Variants in ANO8 observed in about 807,000 individuals in gnomAD.
ANO8 encodes the protein anoctamin-8.
ANO8 carries 67 observed loss-of-function variants against 120.4 expected under a neutral mutation model. That is an observed-to-expected ratio of 0.56 (90% CI 0.46 to 0.68). The LOEUF (loss-of-function observed/expected upper bound fraction) is 0.68, where lower values mean the gene tolerates loss of function less well. Among genes scored for constraint, ANO8 ranks in the 30% least tolerant of loss-of-function variants. The pLI is 0.00. For synonymous variants in ANO8, 727 were observed against 759.2 expected, an observed-to-expected ratio of 0.96 and a Z score of 0.70; for missense variants, 1,526 against 1,737.6, an observed-to-expected ratio of 0.88 and a Z score of 2.16.
chr19:17,331,267 C>T, intron 6 of ANO8, 28 bp downstream of exon 6: 1 of 1,614,154 alleles, frequency 6.2e-7, no homozygotes, highest in Non-Finnish European at 8.5e-7. Flanking sequence ...TGCTGGGACT[C>T]CCTCCCACCC....
In ANO8 at chr19:17,328,922, G is replaced by A. The variant is rs1332422658; in HGVS notation, c.1466C>T (p.Pro489Leu). The A allele has an allele frequency of 4.0e-6, 6 of 1,510,798 alleles. No homozygotes were observed. The highest frequency in any genetic ancestry group is 5.3e-6 in the Non-Finnish European group (6 of 1,132,442). 93.6% of individuals were successfully genotyped at this position (1,510,798 alleles called of 1,614,324 possible). A position where few individuals can be genotyped will look rare whatever the true frequency, so the allele number is the denominator to read the frequency against. The stretch of plus-strand genomic sequence containing the variant: ...GCGGCCCAGGCGCCGGTACAGGTGC[G>A]GCTGCAGGACCTCGCGCACGTTCTG... ...FLQNVREVLQ[P>L]HLYRRLGRGE... Residue 489 changes from proline to leucine, a missense_variant, in exon 13 of 18, where the codon CCG becomes CTG. Physicochemically the swap from Pro to Leu is moderately conservative, Grantham distance 98. Coordinates refer to ENST00000159087, the MANE Select transcript of ANO8 (RefSeq NM_020959.3).
intron 16 of ANO8, among the ~76,000 whole-genome samples, chr19:17,325,821 G>A (rs1599543739): frequency 6.6e-6 from 1 of 152,200 alleles, no homozygotes; most frequent in African/African-American, 2.4e-5. Context: ...CCAGCTACTC[G>A]GAAGGCTGAG....
At position 17,324,830 on chromosome 19, in the gene ANO8, G is replaced by A. The variant is rs779848652; in HGVS notation, c.3218C>T (p.Ala1073Val). Residue 1073 changes from alanine to valine, a missense_variant, in exon 17 of 18, where the codon GCC becomes GTC. By Grantham distance (64) the Ala-to-Val change is moderately conservative. Around this residue, in one of 8 missense-constraint regions of ANO8, gnomAD observed 489 missense variants for 548.6 expected, o/e 0.89. Coordinates refer to ENST00000159087, the MANE Select transcript of ANO8 (RefSeq NM_020959.3). ...ACTGCTGGGGGTCCCATCTGGCCGGGCCTGCCCGCCCGCCCCGTTGGACCC... is the reference window on the plus strand; with the variant it reads ...ACTGCTGGGGGTCCCATCTGGCCGGACCTGCCCGCCCGCCCCGTTGGACCC... ...EPGSNGAGGQARPDGTPSSGS... is the reference protein window; with the variant it reads ...EPGSNGAGGQVRPDGTPSSGS... 6.2e-7 allele frequency: 1 copy of A among 1,610,872 alleles called. No individual in the cohort carries two copies. Among genetic ancestry groups the A allele is most frequent in the Admixed American group, 1.7e-5 (1 of 59,812 alleles).
At position 17,328,374 on chromosome 19, in the gene ANO8, G is replaced by T. The variant is rs757418390; in HGVS notation, c.2014C>A (p.Arg672=). 144 of 1,573,792 alleles carry T rather than the reference G, an allele frequency of 9.1e-5. 1 individual carries two copies. In the South Asian group the frequency reaches 1.6e-3, roughly 17 times the overall value. The change falls in exon 13 of 18, where the codon CGG becomes AGG. Residue 672 remains arginine (R), a synonymous_variant. Transcript: ENST00000159087. Reference sequence around the variant, plus strand: ...CGGAACAAGATGGCCGGGGGCTCCCGTTCAGGGCTGCCGGGAGCCCCCTCC... The same window carrying T: ...CGGAACAAGATGGCCGGGGGCTCCCTTTCAGGGCTGCCGGGAGCCCCCTCC... ...EAEGAPGSPE[R]EPPAILFRRA... is the part of the protein sequence containing the mutation.
In ANO8 at chr19:17,323,296, A is replaced by C. The variant is rs566720478; in HGVS notation, c.*221T>G. The C allele has an allele frequency of 1.5e-5, 5 of 326,336 alleles. No homozygotes were observed. In the East Asian group the frequency reaches 2.2e-4, roughly 14 times the overall value. 20.2% of individuals were successfully genotyped at this position (326,336 alleles called of 1,614,324 possible). A position where few individuals can be genotyped will look rare whatever the true frequency, so the allele number is the denominator to read the frequency against. On this transcript the variant is annotated 3_prime_UTR_variant, in exon 18 of 18. Transcript: ENST00000159087. ...ATGACAAAATAAATTAAAAACAAAT[A>C]AATAATCGCCTGTTCTGTGTGTGTG...
At chr19:17,324,500 T>G (rs560542610) in intron 17 of ANO8, among the ~76,000 whole-genome samples, 1 of 152,064 alleles carries the variant, frequency 6.6e-6, no homozygotes, top group South Asian at 2.1e-4. Flanking sequence ...CATCCCTCCC[T>G]GGGGAGGGTC....
Position 17,330,469 on chromosome 19 carries a change from C to G in ANO8, c.1029G>C (p.Glu343Asp). 1 of 1,554,110 alleles carries G rather than the reference C, an allele frequency of 6.4e-7. No individual in the cohort carries two copies. The highest frequency in any genetic ancestry group is 1.4e-5 in the African/African-American group (1 of 73,370). Residue 343 changes from glutamate to aspartate, a missense_variant, in exon 9 of 18, where the codon GAG (glutamate) becomes GAC (aspartate). Physicochemically the swap from Glu to Asp is conservative, Grantham distance 45. Transcript: ENST00000159087. Reference sequence around the variant, plus strand: ...GCTTCCAGGGCGGGTAGTAGAACTCCTCGGCCCGCGTGATGGGGCTGATAC... The same window carrying G: ...GCTTCCAGGGCGGGTAGTAGAACTCGTCGGCCCGCGTGATGGGGCTGATAC... ...VRRISPITRA[E>D]EFYYPPWKRL...
chr19:17,324,777 G>A lies in ANO8; in HGVS notation c.3271C>T (p.Pro1091Ser). Residue 1091 changes from proline to serine, a missense_variant, in exon 17 of 18, where the codon CCG becomes TCG. Pro to Ser is a moderately conservative substitution (Grantham distance 74). Coordinates refer to ENST00000159087, the MANE Select transcript of ANO8 (RefSeq NM_020959.3). The part of the protein sequence containing the change: ...SGSSRVQRSG[P>S]VDEALAEELE... ...TCCTCAGCCAGGGCCTCGTCCACCGGCCCACTCCTCTGAACCCGGCTGCTG... is the reference window on the plus strand; with the variant it reads ...TCCTCAGCCAGGGCCTCGTCCACCGACCCACTCCTCTGAACCCGGCTGCTG... The A allele has an allele frequency of 6.4e-7, 1 of 1,567,298 alleles. No homozygotes were observed. The highest frequency in any genetic ancestry group is 8.6e-7 in the Non-Finnish European group (1 of 1,157,222).
Position 17,333,974 on chromosome 19 carries a change from G to A in ANO8, c.107-174C>T, listed in dbSNP as rs756455094. Among the ~76,000 whole-genome samples, 119 of 152,232 alleles carry A rather than the reference G, an allele frequency of 7.8e-4. No individual in the cohort carries two copies. The highest frequency in any genetic ancestry group is 1.3e-3 in the Non-Finnish European group (90 of 68,020). ...CCCTCCACGTCCTTGTACCAGCCAG[G>A]CCTTCCTCCAGAAATGCCCTTCCCC... On this transcript the variant is annotated intron_variant, in intron 1 of 17. Coordinates refer to ENST00000159087, the MANE Select transcript of ANO8 (RefSeq NM_020959.3). The surrounding 1 kb of genome is among the most constrained non-coding windows in gnomAD (Gnocchi z 7.2).
chr19:17,330,893 C>G lies in ANO8; in HGVS notation c.928G>C (p.Ala310Pro). The G allele has an allele frequency of 3.1e-6, 5 of 1,614,168 alleles. No individual in the cohort carries two copies. Among genetic ancestry groups the G allele is most frequent in the Non-Finnish European group, 4.2e-6 (5 of 1,180,022 alleles). ...EEWKRRGAELAYKWGTLDSPG... is the reference protein window; with the variant it reads ...EEWKRRGAELPYKWGTLDSPG... ...GAGTCCAGCGTCCCCCACTTATATG[C>G]CAGCTCAGCCCCTCTCCGCTTCCAT... Residue 310 changes from alanine to proline, a missense_variant, in exon 8 of 18, where the codon GCA (alanine) becomes CCA (proline). By Grantham distance (27) the Ala-to-Pro change is conservative. This residue lies in a region of ANO8 where 322 missense variants were observed against 431.8 expected (regional missense o/e 0.75). Coordinates refer to ENST00000159087, the MANE Select transcript of ANO8 (RefSeq NM_020959.3).
At position 17,328,603 on chromosome 19, in the gene ANO8, T is replaced by TTCCTCCTCG; in HGVS notation, c.1776_1784dup (p.Asp592_Glu594dup). On this transcript the variant is annotated inframe_insertion, in exon 13 of 18. Coordinates refer to ENST00000159087, the MANE Select transcript of ANO8 (RefSeq NM_020959.3). ...CCTCGCCCTCCTCCTCGTCCTCCTCTTCCTCCTCGTCCTCCTCCTCCTCGT... is the reference window on the plus strand; with the variant it reads ...CCTCGCCCTCCTCCTCGTCCTCCTCTTCCTCCTCGTCCTCCTCGTCCTCCTCCTCCTCGT... 6.5e-7 allele frequency: 1 copy of TTCCTCCTCG among 1,541,450 alleles called. No homozygotes were observed. The highest frequency in any genetic ancestry group is 8.7e-7 in the Non-Finnish European group (1 of 1,143,098).
intron 16 of ANO8, among the ~76,000 whole-genome samples, chr19:17,326,329 C>A (rs1282833442): frequency 2.6e-5 from 4 of 152,064 alleles, no homozygotes; most frequent in African/African-American, 9.7e-5. Flanking sequence ...TGGTGAAACC[C>A]CATCTCTATT....
rs1049171312 is a variant in ANO8, at chr19:17,330,523, C to A, written c.994-19G>T. On this transcript the variant is annotated intron_variant, in intron 8 of 17. Coordinates refer to ENST00000159087, the MANE Select transcript of ANO8 (RefSeq NM_020959.3). ...GCACGCCCTGATGGTGGGCAAAGACCGGGCCCAGCATGAGCTCAGAGGGGC... is the reference window on the plus strand; with the variant it reads ...GCACGCCCTGATGGTGGGCAAAGACAGGGCCCAGCATGAGCTCAGAGGGGC... The A allele has an allele frequency of 1.0e-5, 15 of 1,494,316 alleles. No homozygotes were observed. In the East Asian group the frequency reaches 3.2e-4, roughly 32 times the overall value. The allele number at this position is 1,494,316 out of a possible 1,614,324, so 92.6% of individuals were successfully genotyped here.
chr19:17,330,388 A>G lies in ANO8; in HGVS notation c.1110T>C (p.Cys370=), dbSNP rs1448753834. 6 of 1,590,060 alleles carry G rather than the reference A, an allele frequency of 3.8e-6. No homozygotes were observed. The highest frequency in any genetic ancestry group is 5.1e-6 in the Non-Finnish European group (6 of 1,168,298). Residue 370 remains cysteine, a synonymous_variant, in exon 9 of 18, where the codon TGT becomes TGC. Transcript: ENST00000159087. ...AGCAGCCAAGCATGAGCAAGAAGAC[A>G]CAGACGAGGCACGCCAGGCACAGGG... ...SLPLCLACLV[C]VFLLMLGCFQ...
Position 17,330,032 on chromosome 19 carries a change from G to C in ANO8, c.1274-18C>G, listed in dbSNP as rs199748592. The C allele has an allele frequency of 3.1e-6, 5 of 1,613,912 alleles. No individual in the cohort carries two copies. In the East Asian group the frequency reaches 6.7e-5, roughly 22 times the overall value. Reference sequence around the variant, plus strand: ...GTAATTTTCTAGGGGCCAAGGGGGGGAGTGAGGGGGCAGCCGCGGTCCCCC... The same window carrying C: ...GTAATTTTCTAGGGGCCAAGGGGGGCAGTGAGGGGGCAGCCGCGGTCCCCC... On this transcript the variant is annotated intron_variant, in intron 10 of 17. Transcript: ENST00000159087.
chr19:17,333,634 G>A lies in ANO8; in HGVS notation c.217+56C>T. On this transcript the variant is annotated intron_variant, in intron 2 of 17. Transcript: ENST00000159087. The surrounding 1 kb of genome is among the most constrained non-coding windows in gnomAD (Gnocchi z 7.2). ...CTACGTATTCCCGTTCTGGGAAGCC[G>A]AGCTCAGGAGAGCCGCATCTGGGCA... 6.6e-7 allele frequency: 1 copy of A among 1,519,216 alleles called. No homozygotes were observed. The highest frequency in any genetic ancestry group is 8.9e-7 in the Non-Finnish European group (1 of 1,121,618). The allele number at this position is 1,519,216 out of a possible 1,614,324, so 94.1% of individuals were successfully genotyped here. A position where few individuals can be genotyped will look rare whatever the true frequency, so the allele number is the denominator to read the frequency against.
intron 16 of ANO8, among the ~76,000 whole-genome samples, chr19:17,326,245 C>G (rs540342868): frequency 6.6e-6 from 1 of 152,194 alleles, no homozygotes; most frequent in Admixed American, 6.5e-5. Context: ...CGGTGGCTCA[C>G]GCCTATAATC....
chr19:17,327,411 T>G (rs956332627), intron 15 of ANO8, 27 bp downstream of exon 15: 6 of 1,578,506 alleles, frequency 3.8e-6, no homozygotes, highest in Non-Finnish European at 5.2e-6. Context: ...GCCTCCCAGC[T>G]GCCCCCGCCC....
chr19:17,325,076 G>A lies in ANO8; in HGVS notation c.2972C>T (p.Ser991Leu), dbSNP rs945267118. 20 of 1,613,440 alleles carry A rather than the reference G, an allele frequency of 1.2e-5. No homozygotes were observed. The highest frequency in any genetic ancestry group is 2.7e-5 in the African/African-American group (2 of 74,932). The change falls in exon 17 of 18, where the codon TCA becomes TTA. Residue 991 changes from serine to leucine, a missense_variant. Ser to Leu is a moderately radical substitution (Grantham distance 145). This residue lies in a region of ANO8 where 489 missense variants were observed against 548.6 expected (regional missense o/e 0.89). Coordinates refer to ENST00000159087, the MANE Select transcript of ANO8 (RefSeq NM_020959.3). ...IIPLQGKFLS[S>L]GATSSLAAAG... ...AGCAGCCAGTGAGGATGTGGCCCCT[G>A]ACGAGAGGAATTTGCCCTGCAGTGG... is the stretch of plus-strand genomic sequence containing the variant.
Sources: gnomAD v4.1 joint callset for allele counts (sites outside exome capture counted in the v4.1 genomes callset) on GRCh38, gnomAD v4.1.1 for gene constraint, gnomAD v4.1.1 regional missense constraint, Gnocchi (gnomAD v3.1) non-coding constraint, MANE v1.5 for transcripts, NCBI Gene and HGNC (gene_info 2026-07-23, HGNC 2026-07-21) for gene names.